Variants in GOLPH3L observed in about 807,000 individuals in gnomAD.
GOLPH3L encodes Golgi phosphoprotein 3-like.
GOLPH3L carries 22 observed loss-of-function variants against 30.3 expected under a neutral mutation model. That is an observed-to-expected ratio of 0.73 (90% confidence interval 0.52 to 1.04). The LOEUF is 1.04. Ranked by LOEUF, GOLPH3L falls within the 50% of genes least tolerant of loss-of-function variation. The probability of loss-of-function intolerance (pLI) is 0.00; values close to 1 mark genes in which losing one functional copy is unlikely to be tolerated. For missense variants in GOLPH3L, 303 were observed against 345.8 expected (o/e 0.88, Z 0.98); for synonymous variants, 120 against 128.2 (o/e 0.94, Z 0.43).
chr1:150,669,522 C>T (rs1650593197), intron 2 of GOLPH3L, among the ~76,000 whole-genome samples: 1 of 152,102 alleles, frequency 6.6e-6, no homozygotes, highest in Admixed American at 6.5e-5. Context: ...TAAAGTTCAC[C>T]ATTTGATCAT....
chr1:150,690,199 T>C (rs991515634), intron 2 of GOLPH3L, among the ~76,000 whole-genome samples: 1 of 151,682 alleles, frequency 6.6e-6, no homozygotes, highest in Non-Finnish European at 1.5e-5. Context: ...GTTGCCCAGG[T>C]TGGTCTAGAA....
In GOLPH3L at chr1:150,663,685, G is replaced by T; in HGVS notation, c.262C>A (p.Arg88=). The T allele has an allele frequency of 6.2e-7, 1 of 1,613,608 alleles. No homozygotes were observed. The highest frequency in any genetic ancestry group is 8.5e-7 in the Non-Finnish European group (1 of 1,179,682). ...ATGGTCGGGGGTTCCAGATAGATTCGACCCCGCATGGCCAGCTCTATCAGG... is the reference window on the plus strand; with the variant it reads ...ATGGTCGGGGGTTCCAGATAGATTCTACCCCGCATGGCCAGCTCTATCAGG... ...GILIELAMRG[R]IYLEPPTMRK... is the part of the protein sequence containing the mutation. Residue 88 remains arginine (R), a synonymous_variant, in exon 3 of 5, where the codon CGA becomes AGA. Coordinates refer to ENST00000271732, the MANE Select transcript of GOLPH3L (RefSeq NM_018178.6).
rs587600493 is a variant in GOLPH3L, at chr1:150,687,949, C to T, written c.183+6707G>A. On this transcript the variant is annotated intron_variant, in intron 2 of 4. Coordinates refer to ENST00000271732, the MANE Select transcript of GOLPH3L (RefSeq NM_018178.6). The stretch of plus-strand genomic sequence containing the variant: ...AACTGGATTAAACTATATGCAACAA[C>T]ATGGACAAATCTCACAAACATTATA... Among the ~76,000 whole-genome samples, 8 of 152,180 alleles carry T rather than the reference C, an allele frequency of 5.3e-5. No individual in the cohort carries two copies. The East Asian group carries it at 1.5e-3, about 29-fold the overall frequency.
At chr1:150,688,149 T>A (rs909069978) in intron 2 of GOLPH3L, among the ~76,000 whole-genome samples, 2 of 152,242 alleles carry the variant, frequency 1.3e-5, no homozygotes, top group African/African-American at 4.8e-5. Flanking sequence ...ATTGTTCTAT[T>A]GGTGATTACA....
At chr1:150,663,335 C>T (rs6686525) in intron 3 of GOLPH3L, among the ~76,000 whole-genome samples, 58,514 of 151,908 alleles carry the variant, frequency 0.39, 11,587 homozygotes, top group South Asian at 0.55. Context: ...CCACTGTGCC[C>T]GGCTATTTCA....
At chr1:150,653,405 C>T (rs1469820265) in intron 4 of GOLPH3L, among the ~76,000 whole-genome samples, 4 of 149,368 alleles carry the variant, frequency 2.7e-5, no homozygotes, top group African/African-American at 9.9e-5. Flanking sequence ...AAGTGATTCT[C>T]CTGCCTCAGC....
Position 150,694,859 on chromosome 1 carries a change from AGTGGT to A in GOLPH3L, c.-12-14_-12-10del, listed in dbSNP as rs1571060551. On this transcript the variant is annotated splice_polypyrimidine_tract_variant and intron_variant, in intron 1 of 4. Transcript: ENST00000271732. Reference sequence around the variant, plus strand: ...GTCATTCTCACCTGTTTCTGGAGGGAGTGGTGAAAAAAAAAATCCATATGTATGCT... The same window carrying A: ...GTCATTCTCACCTGTTTCTGGAGGGAGAAAAAAAAAATCCATATGTATGCT... The A allele has an allele frequency of 6.5e-7, 1 of 1,538,536 alleles. No homozygotes were observed. The highest frequency in any genetic ancestry group is 1.4e-5 in the African/African-American group (1 of 71,742).
intron 4 of GOLPH3L, among the ~76,000 whole-genome samples, chr1:150,653,158 C>A (rs1274449273): frequency 7.0e-6 from 1 of 142,556 alleles, no homozygotes; most frequent in Non-Finnish European, 1.5e-5. Flanking sequence ...CAACAAAAAA[C>A]CCAAAAGCCA....
intron 3 of GOLPH3L, among the ~76,000 whole-genome samples, chr1:150,663,098 G>C (rs1309266498): frequency 6.6e-6 from 1 of 151,728 alleles, no homozygotes; most frequent in East Asian, 1.9e-4. Context: ...GCAGTGGCGG[G>C]ATCTTGGCTC....
At chr1:150,691,220 AC>A (rs1355408824) in intron 2 of GOLPH3L, among the ~76,000 whole-genome samples, 2 of 151,778 alleles carry the variant, frequency 1.3e-5, no homozygotes, top group Non-Finnish European at 2.9e-5. Flanking sequence ...GCAGTAGTTT[AC>A]GCCTGTAATC....
At chr1:150,686,939 T>TA (rs1357923862) in intron 2 of GOLPH3L, among the ~76,000 whole-genome samples, 2 of 138,022 alleles carry the variant, frequency 1.4e-5, no homozygotes, top group Non-Finnish European at 3.2e-5. Flanking sequence ...CTGGATATAA[T>TA]AAAAAACAAA....
At chr1:150,648,826 A>C in intron 4 of GOLPH3L, 78 bp from the exon 5 acceptor site, 1 of 819,584 alleles carries the variant, frequency 1.2e-6, no homozygotes, top group Non-Finnish European at 2.0e-6. Flanking sequence ...TGGAAACTTG[A>C]ATGGCTAAAA....
At chr1:150,655,878 A>G (rs1385940844) in intron 4 of GOLPH3L, among the ~76,000 whole-genome samples, 4 of 152,306 alleles carry the variant, frequency 2.6e-5, no homozygotes, top group Non-Finnish European at 5.9e-5. Context: ...AATTCTAAAA[A>G]TTCGCCTTTA....
chr1:150,673,797 G>A (rs1057033788), intron 2 of GOLPH3L, among the ~76,000 whole-genome samples: 11 of 149,502 alleles, frequency 7.4e-5, no homozygotes, highest in African/African-American at 4.9e-5. Flanking sequence ...GGCCGGGTGC[G>A]TCTGTGGGTC....
intron 2 of GOLPH3L, among the ~76,000 whole-genome samples, chr1:150,679,429 G>A (rs587623058): frequency 6.6e-6 from 1 of 152,240 alleles, no homozygotes; most frequent in South Asian, 2.1e-4. Context: ...CAAAATGAAA[G>A]ACCCCAAAAC....
chr1:150,678,772 T>C (rs1650879469), intron 2 of GOLPH3L, among the ~76,000 whole-genome samples: 2 of 152,052 alleles, frequency 1.3e-5, no homozygotes, highest in Non-Finnish European at 2.9e-5. Context: ...CTGGCCAACA[T>C]GGTGAAACCC....
intron 4 of GOLPH3L, among the ~76,000 whole-genome samples, chr1:150,652,094 G>A (rs1308499432): frequency 6.6e-6 from 1 of 152,074 alleles, no homozygotes; most frequent in African/African-American, 2.4e-5. Flanking sequence ...ACATCACAGT[G>A]GAACTTTGTA....
At chr1:150,676,129 A>G (rs1650771501) in intron 2 of GOLPH3L, among the ~76,000 whole-genome samples, 1 of 151,906 alleles carries the variant, frequency 6.6e-6, no homozygotes, top group Admixed American at 6.6e-5. Context: ...GCATGCCACC[A>G]TGCCTGGCTA....
chr1:150,678,129 G>A (rs1650857344), intron 2 of GOLPH3L, among the ~76,000 whole-genome samples: 2 of 150,842 alleles, frequency 1.3e-5, no homozygotes, highest in African/African-American at 2.4e-5. Flanking sequence ...GAGAAACCCC[G>A]TCTCTACTAA....
Sources: gnomAD v4.1 joint callset for allele counts (sites outside exome capture counted in the v4.1 genomes callset) on GRCh38, gnomAD v4.1.1 for gene constraint, MANE v1.5 for transcripts, NCBI Gene and HGNC (gene_info 2026-07-23, HGNC 2026-07-21) for gene names.